The following MDGA2 variants were observed in gnomAD, a reference collection of about 807,000 sequenced individuals.
MDGA2 encodes MAM domain containing glycosylphosphatidylinositol anchor 2.
Under a neutral mutation model 117.8 loss-of-function variants are expected in MDGA2, and 40 were observed. The ratio of observed to expected loss-of-function variants is 0.34; its 90% CI spans 0.26 to 0.44. MDGA2 has a LOEUF of 0.44. MDGA2 is among the 20% of genes least tolerant of loss of function. The pLI, the probability that MDGA2 is intolerant of heterozygous loss-of-function variation, is 1.00. For missense variants in MDGA2, 1,123 were observed against 1,250.6 expected (o/e 0.90, Z 1.54); for synonymous variants, 452 against 439.0 (o/e 1.03, Z -0.37).
At chr14:47,578,796 G>C (rs1896174126) in intron 1 of MDGA2, among the ~76,000 whole-genome samples, 1 of 152,044 alleles carries the variant, frequency 6.6e-6, no homozygotes, top group African/African-American at 2.4e-5. Context: ...CATTGTTAGA[G>C]GCTACATGAT....
At chr14:47,665,445 T>C (rs1897927011) in intron 1 of MDGA2, among the ~76,000 whole-genome samples, 1 of 152,190 alleles carries the variant, frequency 6.6e-6, no homozygotes, top group African/African-American at 2.4e-5. Flanking sequence ...TGAGGAGCCC[T>C]TCAGTCCGCC....
At chr14:47,548,363 T>C (rs1197804681) in intron 1 of MDGA2, among the ~76,000 whole-genome samples, 1 of 152,184 alleles carries the variant, frequency 6.6e-6, no homozygotes, top group South Asian at 2.1e-4. Flanking sequence ...TTTTTCTTTT[T>C]TTTTGGTTGA....
At chr14:47,320,271 C>T (rs1254900192) in intron 1 of MDGA2, among the ~76,000 whole-genome samples, 1 of 152,008 alleles carries the variant, frequency 6.6e-6, no homozygotes, top group Admixed American at 6.6e-5. Context: ...AATCTTAACC[C>T]ATTGGGAAGC....
At chr14:47,290,794 GAAA>G (rs11321699) in intron 2 of MDGA2, among the ~76,000 whole-genome samples, 5 of 143,190 alleles carry the variant, frequency 3.5e-5, no homozygotes, top group Admixed American at 3.4e-4. Context: ...CACAAAGAAT[GAAA>G]AAAAAAAAAC....
In MDGA2 at chr14:47,219,582, T is replaced by G. The variant is rs1886224142; in HGVS notation, c.421-1387A>C. ...CTAACACTTTCACTTAGCAATTATCTGGTTAAAATTTACCTTACTAACATA... is the reference window on the plus strand; with the variant it reads ...CTAACACTTTCACTTAGCAATTATCGGGTTAAAATTTACCTTACTAACATA... On this transcript the variant is annotated intron_variant, in intron 2 of 16. Coordinates refer to ENST00000399232, the MANE Select transcript of MDGA2 (RefSeq NM_001113498.3). Among the ~76,000 whole-genome samples, 4 of 152,012 alleles carry G rather than the reference T, an allele frequency of 2.6e-5. No individual in the cohort carries two copies. In the South Asian group the frequency reaches 8.3e-4, roughly 32 times the overall value.
intron 3 of MDGA2, among the ~76,000 whole-genome samples, chr14:47,160,382 TACAA>T (rs1323194941): frequency 6.6e-6 from 1 of 152,130 alleles, no homozygotes; most frequent in African/African-American, 2.4e-5. Flanking sequence ...TATTTTCTTT[TACAA>T]ACAAACAAAC....
chr14:46,900,066 G>T (rs1883226040), intron 10 of MDGA2, among the ~76,000 whole-genome samples: 1 of 152,008 alleles, frequency 6.6e-6, no homozygotes, highest in Non-Finnish European at 1.5e-5. Flanking sequence ...CAAAAGACAT[G>T]CACAGACATT....
chr14:47,433,361 C>T (rs1356121848), intron 1 of MDGA2, among the ~76,000 whole-genome samples: 1 of 151,996 alleles, frequency 6.6e-6, no homozygotes, highest in Non-Finnish European at 1.5e-5. Flanking sequence ...GATGTTCCTC[C>T]ACCCACCTGA....
At chr14:47,116,091 A>T (rs1257130346) in intron 5 of MDGA2, among the ~76,000 whole-genome samples, 1 of 152,110 alleles carries the variant, frequency 6.6e-6, no homozygotes, top group Non-Finnish European at 1.5e-5. Context: ...ATAAATGTAC[A>T]AAAACCAGTC....
chr14:47,328,135 G>C (rs578160069), intron 1 of MDGA2, among the ~76,000 whole-genome samples: 1 of 152,100 alleles, frequency 6.6e-6, no homozygotes, highest in Non-Finnish European at 1.5e-5. Context: ...ATGATCAAAA[G>C]ATTGAGGTGA....
intron 1 of MDGA2, among the ~76,000 whole-genome samples, chr14:47,441,027 T>G (rs571484895): frequency 5.9e-5 from 9 of 152,162 alleles, no homozygotes; most frequent in Admixed American, 2.0e-4. Flanking sequence ...GACAGATCTG[T>G]GCAAAGCAAC....
At chr14:46,933,891 C>G (rs1435724143) in intron 9 of MDGA2, among the ~76,000 whole-genome samples, 2 of 139,522 alleles carry the variant, frequency 1.4e-5, no homozygotes, top group African/African-American at 5.4e-5. Flanking sequence ...CTGCATTTAA[C>G]AGATAAATAC....
chr14:46,915,649 A>G (rs1248423778), intron 10 of MDGA2, among the ~76,000 whole-genome samples: 1 of 152,142 alleles, frequency 6.6e-6, no homozygotes, highest in Non-Finnish European at 1.5e-5. Context: ...ATCAAAATCA[A>G]TTGAAAACCT....
At chr14:47,048,997 G>A (rs965235018) in intron 7 of MDGA2, among the ~76,000 whole-genome samples, 1 of 151,962 alleles carries the variant, frequency 6.6e-6, no homozygotes, top group Non-Finnish European at 1.5e-5. Context: ...GGACTAATAC[G>A]TGTGAAGAGT....
chr14:46,925,728 A>G (rs778340562), intron 9 of MDGA2, among the ~76,000 whole-genome samples: 11 of 152,034 alleles, frequency 7.2e-5, no homozygotes, highest in Non-Finnish European at 1.0e-4. Context: ...ACCATGGAAC[A>G]TTCTATGAAA....
chr14:47,229,176 G>T (rs929324982), intron 2 of MDGA2, among the ~76,000 whole-genome samples: 2 of 151,980 alleles, frequency 1.3e-5, no homozygotes, highest in Non-Finnish European at 2.9e-5. Flanking sequence ...ATAGTATACC[G>T]CATAAGCAGA....
chr14:47,029,837 CT>C (rs200099276), intron 8 of MDGA2, among the ~76,000 whole-genome samples: 2 of 150,816 alleles, frequency 1.3e-5, no homozygotes, highest in Non-Finnish European at 3.0e-5. Context: ...TTTTGTTTTT[CT>C]TTTTTTTTGA....
chr14:47,139,272 T>C (rs1488854215), intron 4 of MDGA2, among the ~76,000 whole-genome samples: 2 of 152,106 alleles, frequency 1.3e-5, no homozygotes, highest in Non-Finnish European at 2.9e-5. Flanking sequence ...TACTAATTAT[T>C]GTTCTAACTA....
intron 2 of MDGA2, among the ~76,000 whole-genome samples, chr14:47,221,687 C>CAAAAA (rs36059038): frequency 4.0e-5 from 5 of 124,186 alleles, no homozygotes; most frequent in African/African-American, 1.5e-4. Flanking sequence ...GACTCTATCT[C>CAAAAA]AAAAAAAAAA....
Sources: gnomAD v4.1 joint callset for allele counts (sites outside exome capture counted in the v4.1 genomes callset) on GRCh38, gnomAD v4.1.1 for gene constraint, MANE v1.5 for transcripts, NCBI Gene and HGNC (gene_info 2026-07-23, HGNC 2026-07-21) for gene names.